Variants in ANKS1B observed in about 807,000 individuals in gnomAD.
ANKS1B encodes the protein ankyrin repeat and sterile alpha motif domain containing 1B.
ANKS1B carries 36 observed loss-of-function variants against 148.3 expected under a neutral mutation model. That is an observed-to-expected ratio of 0.24 (90% CI 0.19 to 0.32). The LOEUF (loss-of-function observed/expected upper bound fraction) is 0.32, where lower values mean the gene tolerates loss of function less well. Among genes scored for constraint, ANKS1B ranks in the 10% least tolerant of loss-of-function variants. ANKS1B has a pLI of 1.00. For missense variants in ANKS1B, 1,157 were observed against 1,542.6 expected, an observed-to-expected ratio of 0.75 and a Z score of 4.19; for synonymous variants, 542 against 560.8, an observed-to-expected ratio of 0.97 and a Z score of 0.47.
intron 12 of ANKS1B, among the ~76,000 whole-genome samples, chr12:99,380,903 T>C (rs920493542): frequency 1.3e-5 from 2 of 152,102 alleles, no homozygotes; most frequent in African/African-American, 2.4e-5. Context: ...TCTGTCACCA[T>C]GAAGTTCATG....
At chr12:99,876,220 C>T (rs1264732629) in intron 1 of ANKS1B, among the ~76,000 whole-genome samples, 1 of 152,124 alleles carries the variant, frequency 6.6e-6, no homozygotes, top group Non-Finnish European at 1.5e-5. Context: ...TTAAAAACAC[C>T]TCTCCCTAAC....
chr12:98,948,635 T>C (rs933687846), intron 17 of ANKS1B, among the ~76,000 whole-genome samples: 4 of 152,106 alleles, frequency 2.6e-5, no homozygotes, highest in Non-Finnish European at 5.9e-5. Context: ...CACTAAATCC[T>C]TTTTTTGAGC....
chr12:98,937,892 G>C (rs2099820237), intron 17 of ANKS1B, among the ~76,000 whole-genome samples: 1 of 99,112 alleles, frequency 1.0e-5, no homozygotes, highest in African/African-American at 2.8e-5. Flanking sequence ...TTACATGGCA[G>C]CAGGAGAGAG....
At chr12:99,962,152 A>G (rs58674791) in intron 1 of ANKS1B, among the ~76,000 whole-genome samples, 13,156 of 152,114 alleles carry the variant, frequency 0.086, 693 homozygotes, top group Middle Eastern at 0.14. Flanking sequence ...TACATGTGCC[A>G]TGGTGGTTTG....
chr12:99,593,466 G>A (rs192415706), intron 9 of ANKS1B, among the ~76,000 whole-genome samples: 1 of 152,118 alleles, frequency 6.6e-6, no homozygotes, highest in East Asian at 1.9e-4. Flanking sequence ...TTAAGGAAAT[G>A]GGTAGGCATC....
At chr12:99,589,640 G>T (rs1384533066) in intron 9 of ANKS1B, among the ~76,000 whole-genome samples, 1 of 152,070 alleles carries the variant, frequency 6.6e-6, no homozygotes, top group Non-Finnish European at 1.5e-5. Flanking sequence ...TCTGTCCAAT[G>T]ATTCCATTTT....
chr12:99,825,433 C>G, intron 1 of ANKS1B, 44 bp from the exon 2 acceptor site: 1 of 1,502,582 alleles, frequency 6.7e-7, no homozygotes. Context: ...GAAGCCAGAT[C>G]TTGCCTTGAA....
intron 1 of ANKS1B, among the ~76,000 whole-genome samples, chr12:99,922,116 T>C (rs2094371328): frequency 6.6e-6 from 1 of 152,172 alleles, no homozygotes; most frequent in African/African-American, 2.4e-5. Flanking sequence ...CTGAGGGAGT[T>C]GTTATAATTA....
intron 19 of ANKS1B, among the ~76,000 whole-genome samples, chr12:98,822,448 G>A (rs1361981962): frequency 1.3e-5 from 2 of 152,112 alleles, no homozygotes; most frequent in African/African-American, 4.8e-5. Flanking sequence ...TTTAACAAGT[G>A]GAAAAATAAC....
intron 17 of ANKS1B, among the ~76,000 whole-genome samples, chr12:98,953,223 G>A (rs894846457): frequency 3.3e-5 from 5 of 152,258 alleles, no homozygotes; most frequent in Non-Finnish European, 5.9e-5. Context: ...GTTTCACCAT[G>A]TTGGCCAGGC....
intron 1 of ANKS1B, among the ~76,000 whole-genome samples, chr12:99,853,287 C>T (rs61940312): frequency 0.2 from 30,204 of 151,988 alleles, 3,262 homozygotes; most frequent in Non-Finnish European, 0.25. Context: ...CAACACAAAA[C>T]CAGGGCACTT....
At chr12:99,500,413 G>T (rs1390338961) in intron 10 of ANKS1B, among the ~76,000 whole-genome samples, 1 of 152,108 alleles carries the variant, frequency 6.6e-6, no homozygotes, top group Non-Finnish European at 1.5e-5. Flanking sequence ...CCAAGTTACT[G>T]GTACATAGCC....
At chr12:98,802,976 CTGTTT>C (rs2099018308) in intron 20 of ANKS1B, among the ~76,000 whole-genome samples, 1 of 151,844 alleles carries the variant, frequency 6.6e-6, no homozygotes, top group African/African-American at 2.4e-5. Flanking sequence ...GCATTTTTGT[CTGTTT>C]TATTATCCAT....
intron 12 of ANKS1B, among the ~76,000 whole-genome samples, chr12:99,327,535 T>C (rs2086717600): frequency 6.9e-6 from 1 of 145,506 alleles, no homozygotes; most frequent in African/African-American, 2.5e-5. Context: ...ATGATGTTCA[T>C]ACAATGTTGA....
intron 1 of ANKS1B, among the ~76,000 whole-genome samples, chr12:99,918,672 T>C (rs977381545): frequency 6.6e-6 from 1 of 152,208 alleles, no homozygotes; most frequent in African/African-American, 2.4e-5. Flanking sequence ...GAGCAAAGCA[T>C]TCCTATATTA....
chr12:98,831,783 CTG>C, intron 18 of ANKS1B: 1 of 482,820 alleles, frequency 2.1e-6, no homozygotes, highest in South Asian at 2.7e-5. Flanking sequence ...TTTTCTTACT[CTG>C]TTGCCCAGGC....
intron 8 of ANKS1B, among the ~76,000 whole-genome samples, chr12:99,718,893 T>C (rs1374724803): frequency 6.6e-6 from 1 of 152,184 alleles, no homozygotes; most frequent in Non-Finnish European, 1.5e-5. Context: ...ATTACTTCAG[T>C]CAAGACCAAG....
At chr12:99,658,765 T>TA (rs1168623735) in intron 8 of ANKS1B, among the ~76,000 whole-genome samples, 8 of 152,228 alleles carry the variant, frequency 5.3e-5, no homozygotes, top group Non-Finnish European at 7.4e-5. Flanking sequence ...GACTGGCACA[T>TA]AAAAAATCAA....
At position 99,342,860 on chromosome 12, in the gene ANKS1B, T is replaced by G. The variant is rs185740324; in HGVS notation, c.1756+56771A>C. ...CTTCTTTATTTGACCTTTGAGATAA[T>G]GTTTTGTCTTTATGAATAAAGAAAA... On this transcript the variant is annotated intron_variant, in intron 12 of 26. Coordinates refer to ENST00000683438, the MANE Select transcript of ANKS1B (RefSeq NM_001352186.2). 2.6e-3 allele frequency among the ~76,000 whole-genome samples: 393 copies of G among 152,096 alleles called. 4 individuals are homozygous for G. Among genetic ancestry groups the G allele is most frequent in the African/African-American group, 8.2e-3 (341 of 41,548 alleles).
Sources: gnomAD v4.1 joint callset for allele counts (sites outside exome capture counted in the v4.1 genomes callset) on GRCh38, gnomAD v4.1.1 for gene constraint, MANE v1.5 for transcripts, NCBI Gene and HGNC (gene_info 2026-07-23, HGNC 2026-07-21) for gene names.